PPP6R2: variants seen among roughly 807,000 people sequenced by gnomAD.
PPP6R2 encodes the protein protein phosphatase 6 regulatory subunit 2, also known as serine/threonine-protein phosphatase 6 regulatory subunit 2.
Under a neutral mutation model 100.2 loss-of-function variants are expected in PPP6R2, and 62 were observed. The observed-to-expected ratio is 0.62, with a 90% CI of 0.50 to 0.76. The LOEUF is 0.76. Among genes scored for constraint, PPP6R2 ranks in the 30% least tolerant of loss-of-function variants. The pLI is 0.00. For missense variants in PPP6R2, 1,142 were observed against 1,276.3 expected (o/e 0.89, Z 1.60); for synonymous variants, 525 against 514.7 (o/e 1.02, Z -0.27).
the PPP6R2 span, among the ~76,000 whole-genome samples, chr22:50,334,037 A>G: frequency 6.6e-6 from 1 of 152,264 alleles, no homozygotes; most frequent in East Asian, 1.9e-4. Flanking sequence ...AAATACTTTA[A>G]TACTTTCACT....
Position 50,419,418 on chromosome 22 carries a change from T to C in PPP6R2, c.801T>C (p.Ser267=). Residue 267 remains serine, a synonymous_variant, in exon 8 of 24, where the codon AGT becomes AGC. Transcript: ENST00000612753. ...ACCGGACGGAGAGCTGCCTCGTCAG[T>C]GGGACTCAGGTGTTACTCACCTTGC... ...DGDRTESCLV[S]GTQVLLTLLE... The C allele has an allele frequency of 1.2e-6, 2 of 1,614,170 alleles. No individual in the cohort carries two copies. Among genetic ancestry groups the C allele is most frequent in the Non-Finnish European group, 1.7e-6 (2 of 1,180,022 alleles).
chr22:50,444,238 C>T lies in PPP6R2; in HGVS notation c.2871C>T (p.Gly957=), dbSNP rs1475145775. ...DAPPEGAALN[G]PV is the part of the protein sequence containing the mutation. ...CGCCAGAAGGAGCTGCCTTAAATGG[C>T]CCAGTGTGATGCTGCTGCCGCCCGG... The change falls in exon 24 of 24, where the codon GGC becomes GGT. Residue 957 remains glycine (G), a synonymous_variant. Transcript: ENST00000612753. 6.2e-7 allele frequency: 1 copy of T among 1,613,136 alleles called. No individual in the cohort carries two copies.
chr22:50,437,424 G>A (rs1449376757), intron 15 of PPP6R2, 82 bp from the exon 16 acceptor site: 2 of 962,046 alleles, frequency 2.1e-6, no homozygotes, highest in African/African-American at 3.2e-5. Context: ...AGAGATTGTG[G>A]TTCCCAAAGA....
chr22:50,423,726 C>T lies in PPP6R2; in HGVS notation c.1125+112C>T, dbSNP rs1055683653. ...CCAGCATTTGGACAAAGCTCTGCCA[C>T]GGGGAGGTTCCAGTCCCAAGTCCCA... On this transcript the variant is annotated intron_variant, in intron 10 of 23. Coordinates refer to ENST00000612753, the MANE Select transcript of PPP6R2 (RefSeq NM_001242898.2). The surrounding 1 kb of genome is among the most constrained non-coding windows in gnomAD (Gnocchi z 4.8). 5.1e-5 allele frequency: 69 copies of T among 1,366,058 alleles called. No individual in the cohort carries two copies. In the Admixed American group the frequency reaches 9.6e-4, roughly 19 times the overall value. The allele number at this position is 1,366,058 out of a possible 1,614,324, so 84.6% of individuals were successfully genotyped here. A position where few individuals can be genotyped will look rare whatever the true frequency, so the allele number is the denominator to read the frequency against.
At chr22:50,421,418 G>C (rs1009198509) in intron 8 of PPP6R2, among the ~76,000 whole-genome samples, 2 of 152,144 alleles carry the variant, frequency 1.3e-5, no homozygotes, top group African/African-American at 2.4e-5. Flanking sequence ...TCATATCTCA[G>C]CGTGGCCTCA....
chr22:50,441,187 G>C (rs2065501311), intron 22 of PPP6R2, 161 bp downstream of exon 22: 2 of 674,148 alleles, frequency 3.0e-6, no homozygotes, highest in African/African-American at 1.8e-5. Context: ...GGCTGGCTGA[G>C]GCGGCGGTGG....
At position 50,445,011 on chromosome 22, in the gene PPP6R2, G is replaced by A. The variant is rs1288067596; in HGVS notation, c.*764G>A. ...GGTCCAGAAGATTATTTTACGTTGA[G>A]TCCATTTTTAATGTTCTGATCACCT... is the stretch of plus-strand genomic sequence containing the variant. On this transcript the variant is annotated 3_prime_UTR_variant, in exon 24 of 24. Transcript: ENST00000612753. 6.6e-6 allele frequency: 1 copy of A among 152,560 alleles called. No individual in the cohort carries two copies. The allele number at this position is 152,560 out of a possible 1,614,324, so 9.5% of individuals were successfully genotyped here. A position where few individuals can be genotyped will look rare whatever the true frequency, so the allele number is the denominator to read the frequency against.
chr22:50,380,286 C>T (rs7287773), intron 2 of PPP6R2, among the ~76,000 whole-genome samples: 44,181 of 150,712 alleles, frequency 0.29, 6,813 homozygotes, highest in South Asian at 0.44. Flanking sequence ...TTAGCCAGGA[C>T]GGTCTCGATC....
At chr22:50,395,384 A>G (rs1299914272) in intron 3 of PPP6R2, among the ~76,000 whole-genome samples, 2 of 152,110 alleles carry the variant, frequency 1.3e-5, no homozygotes, top group Non-Finnish European at 2.9e-5. Flanking sequence ...GAGGGAGAAC[A>G]GGGCGGAGCT....
chr22:50,424,999 G>A (rs1183504692), intron 10 of PPP6R2, among the ~76,000 whole-genome samples: 3 of 152,132 alleles, frequency 2.0e-5, no homozygotes, highest in African/African-American at 7.2e-5. Context: ...TATATTTACT[G>A]TGGTAAAATA....
chr22:50,343,677 G>A (rs1369070016), intron 1 of PPP6R2, 127 bp downstream of exon 1: 3 of 80,548 alleles, frequency 3.7e-5, no homozygotes, highest in Admixed American at 1.7e-4. Flanking sequence ...TCCCCCTCCA[G>A]TCAGTTCCCC....
intron 10 of PPP6R2, among the ~76,000 whole-genome samples, chr22:50,425,149 C>T (rs2061919831): frequency 6.6e-6 from 1 of 152,200 alleles, no homozygotes; most frequent in Non-Finnish European, 1.5e-5. Flanking sequence ...TAAACACTAA[C>T]TCCCCATTCA....
chr22:50,339,739 TATATA>T (rs2042348305), upstream of PPP6R2, among the ~76,000 whole-genome samples: 1 of 130,580 alleles, frequency 7.7e-6, no homozygotes, highest in African/African-American at 3.1e-5. Context: ...GTGTGTGTGG[TATATA>T]GTATGTGGTG....
intron 22 of PPP6R2, among the ~76,000 whole-genome samples, chr22:50,441,462 T>C (rs1401945158): frequency 6.6e-6 from 1 of 152,174 alleles, no homozygotes; most frequent in Non-Finnish European, 1.5e-5. Context: ...CTTTTAAGTC[T>C]GGCAGGCGAG....
intron 1 of PPP6R2, among the ~76,000 whole-genome samples, chr22:50,369,004 C>T (rs1365134250): frequency 5.9e-5 from 9 of 152,058 alleles, no homozygotes; most frequent in East Asian, 1.9e-4. Context: ...TTTGGGAGGC[C>T]GAGGTGGGCG....
At chr22:50,370,567 G>GT (rs2049927163) in intron 1 of PPP6R2, among the ~76,000 whole-genome samples, 2 of 152,034 alleles carry the variant, frequency 1.3e-5, no homozygotes, top group Non-Finnish European at 2.9e-5. Flanking sequence ...GATTACAGGC[G>GT]TGAGCCACCA....
Position 50,431,251 on chromosome 22 carries a change from G to A in PPP6R2, c.1204G>A (p.Ala402Thr), listed in dbSNP as rs139266533. The A allele has an allele frequency of 3.2e-5, 52 of 1,613,500 alleles. No individual in the cohort carries two copies. The highest frequency in any genetic ancestry group is 2.0e-4 in the African/African-American group (15 of 74,914). Residue 402 changes from alanine (A) to threonine (T), a missense_variant, in exon 11 of 24, where the codon GCT becomes ACT. Ala to Thr is a moderately conservative substitution (Grantham distance 58, BLOSUM62 0). Coordinates refer to ENST00000612753, the MANE Select transcript of PPP6R2 (RefSeq NM_001242898.2). This position sits in a 1 kb window ranked among gnomAD's most constrained non-coding sequence, Gnocchi z 4.8. ...ELCIAAILSH[A>T]AREERTEASG... ...ATGCATAGCCGCTATTCTCTCCCAC[G>A]CTGCCCGTGAGGAGAGGACAGAAGC...
chr22:50,403,486 C>A (rs1569422926), intron 3 of PPP6R2, among the ~76,000 whole-genome samples: 1 of 152,344 alleles, frequency 6.6e-6, no homozygotes, highest in Non-Finnish European at 1.5e-5. Flanking sequence ...GCCCCTCTGA[C>A]ATCCCACAGG....
At position 50,440,998 on chromosome 22, in the gene PPP6R2, G is replaced by T; in HGVS notation, c.2551G>T (p.Val851Leu). The change falls in exon 22 of 24, where the codon GTG becomes TTG. Residue 851 changes from valine to leucine, a missense_variant. Val to Leu is a conservative substitution (Grantham distance 32, BLOSUM62 1). This residue lies in a region of PPP6R2 where 550 missense variants were observed against 517.4 expected (regional missense o/e 1.06). Transcript: ENST00000612753. ...CCGGGAGGCCCCCCCGCTGCCCACA[G>T]TGGCCAGGACAGAGGAGGCTGTCGG... ...PGREAPPLPT[V>L]ARTEEAVGRV... 1 of 1,608,658 alleles carries T rather than the reference G, an allele frequency of 6.2e-7. No homozygotes were observed.
Sources: gnomAD v4.1 joint callset for allele counts (sites outside exome capture counted in the v4.1 genomes callset) on GRCh38, gnomAD v4.1.1 for gene constraint, gnomAD v4.1.1 regional missense constraint, Gnocchi (gnomAD v3.1) non-coding constraint, MANE v1.5 for transcripts, NCBI Gene and HGNC (gene_info 2026-07-23, HGNC 2026-07-21) for gene names.